CNTN5: variants seen among roughly 807,000 people sequenced by gnomAD.
CNTN5 encodes the protein contactin 5.
CNTN5 carries 77 observed loss-of-function variants against 129.1 expected under a neutral mutation model. That is an observed-to-expected ratio of 0.60 (90% confidence interval 0.50 to 0.72). The LOEUF is 0.72. Among genes scored for constraint, CNTN5 ranks in the 30% least tolerant of loss-of-function variants. CNTN5 has a pLI of 0.00. For missense variants in CNTN5, 1,478 were observed against 1,328.8 expected (o/e 1.11, Z -1.75); for synonymous variants, 509 against 465.6 (o/e 1.09, Z -1.20).
Position 99,814,019 on chromosome 11 carries a change from G to A in CNTN5, c.56-5525G>A, listed in dbSNP as rs573074691. On this transcript the variant is annotated intron_variant, in intron 3 of 24. Transcript: ENST00000524871. ...AAAAATTAGGTGAGAGAAATGATAA[G>A]GTCATGATAATTTTATTTAAAAGAG... Among the ~76,000 whole-genome samples, 191 of 152,020 alleles carry A rather than the reference G, an allele frequency of 1.3e-3. 1 individual carries two copies. The highest frequency in any genetic ancestry group is 1.6e-3 in the Non-Finnish European group (112 of 68,004).
At chr11:100,102,109 T>C (rs927497990) in intron 13 of CNTN5, among the ~76,000 whole-genome samples, 1 of 152,176 alleles carries the variant, frequency 6.6e-6, no homozygotes, top group African/African-American at 2.4e-5. Context: ...GATTGCTGAA[T>C]TGAACGGTAG....
chr11:100,039,793 C>A (rs1200360806), intron 9 of CNTN5, among the ~76,000 whole-genome samples: 1 of 152,184 alleles, frequency 6.6e-6, no homozygotes, highest in Non-Finnish European at 1.5e-5. Context: ...CGTCACGTAG[C>A]TCTCATGCCT....
intron 1 of CNTN5, among the ~76,000 whole-genome samples, chr11:99,130,103 A>G (rs988776020): frequency 2.0e-5 from 3 of 150,968 alleles, no homozygotes; most frequent in African/African-American, 7.3e-5. Context: ...GATCAAATTC[A>G]AAGGTAACAA....
At chr11:99,692,153 C>G (rs534232649) in intron 3 of CNTN5, among the ~76,000 whole-genome samples, 1 of 152,158 alleles carries the variant, frequency 6.6e-6, no homozygotes, top group East Asian at 1.9e-4. Context: ...TGAGATAGGT[C>G]TCTTGAAGAC....
intron 2 of CNTN5, among the ~76,000 whole-genome samples, chr11:99,395,090 A>G (rs1292320535): frequency 6.6e-6 from 1 of 151,688 alleles, no homozygotes; most frequent in African/African-American, 2.4e-5. Flanking sequence ...TGGTATCTCT[A>G]TCTTTAGGTC....
intron 9 of CNTN5, among the ~76,000 whole-genome samples, chr11:100,023,771 C>G (rs1297437269): frequency 6.6e-6 from 1 of 152,122 alleles, no homozygotes; most frequent in African/African-American, 2.4e-5. Context: ...GTTGCCTTTT[C>G]AGGTTGGCCT....
intron 2 of CNTN5, among the ~76,000 whole-genome samples, chr11:99,425,515 T>A (rs1369878722): frequency 6.6e-6 from 1 of 152,148 alleles, no homozygotes; most frequent in South Asian, 2.1e-4. Flanking sequence ...GACAAGGTGG[T>A]GGGGTGGGGG....
intron 21 of CNTN5, among the ~76,000 whole-genome samples, chr11:100,314,303 A>G (rs1445908324): frequency 6.6e-6 from 1 of 152,170 alleles, no homozygotes; most frequent in African/African-American, 2.4e-5. Context: ...ATGTGAGTAT[A>G]ATTAGCCACT....
intron 2 of CNTN5, among the ~76,000 whole-genome samples, chr11:99,547,887 T>C (rs1244929372): frequency 1.3e-5 from 2 of 152,198 alleles, no homozygotes; most frequent in Non-Finnish European, 2.9e-5. Context: ...GATATTAATA[T>C]GCAGTTTACT....
At chr11:99,514,205 A>G (rs1360707033) in intron 2 of CNTN5, among the ~76,000 whole-genome samples, 1 of 152,140 alleles carries the variant, frequency 6.6e-6, no homozygotes. Flanking sequence ...TAACTGAATT[A>G]CTGCAATCTC....
rs138265657 is a variant in CNTN5, at chr11:99,800,422, C to T, written c.56-19122C>T. ...GTAGATGTGAAGAATTTATACTCTG[C>T]GATTCATATGTGGAATATTCTGTAG... On this transcript the variant is annotated intron_variant, in intron 3 of 24. Coordinates refer to ENST00000524871, the MANE Select transcript of CNTN5 (RefSeq NM_014361.4). Among the ~76,000 whole-genome samples the T allele has an allele frequency of 2.5e-4, 38 of 151,558 alleles. No homozygotes were observed. In the East Asian group the frequency reaches 6.7e-3, roughly 27 times the overall value.
chr11:99,489,697 C>A (rs893167968), intron 2 of CNTN5, among the ~76,000 whole-genome samples: 5 of 152,108 alleles, frequency 3.3e-5, no homozygotes, highest in Non-Finnish European at 5.9e-5. Flanking sequence ...GATATCCATT[C>A]TGTAGCGTGG....
In CNTN5 at chr11:100,111,067, T is replaced by C. The variant is rs960733138; in HGVS notation, c.1580+36773T>C. ...TCCCAAATTTTTCTGTACCAGAACA[T>C]GTTTATATAGGTTTACCAAGGGAAA... is the stretch of plus-strand genomic sequence containing the variant. On this transcript the variant is annotated intron_variant, in intron 13 of 24. Coordinates refer to ENST00000524871, the MANE Select transcript of CNTN5 (RefSeq NM_014361.4). Among the ~76,000 whole-genome samples the C allele has an allele frequency of 4.0e-5, 6 of 151,378 alleles. No individual in the cohort carries two copies. In the East Asian group the frequency reaches 1.2e-3, roughly 29 times the overall value.
Position 99,476,480 on chromosome 11 carries a change from A to G in CNTN5, c.-70-79665A>G, listed in dbSNP as rs535191020. ...CTTTTAAAAAATTACTTCATGAGTT[A>G]TGATGCATATCACGTAGATTTGTGA... On this transcript the variant is annotated intron_variant, in intron 2 of 24. Coordinates refer to ENST00000524871, the MANE Select transcript of CNTN5 (RefSeq NM_014361.4). Among the ~76,000 whole-genome samples, 7 of 152,308 alleles carry G rather than the reference A, an allele frequency of 4.6e-5. No individual in the cohort carries two copies. In the South Asian group the frequency reaches 1.2e-3, roughly 27 times the overall value.
At chr11:100,193,036 C>T (rs761469793) in intron 14 of CNTN5, among the ~76,000 whole-genome samples, 1 of 151,860 alleles carries the variant, frequency 6.6e-6, no homozygotes, top group Non-Finnish European at 1.5e-5. Context: ...GAGGGAGGTG[C>T]TTTCTATTGC....
chr11:99,987,701 C>A (rs1938782003), intron 8 of CNTN5, among the ~76,000 whole-genome samples: 1 of 151,976 alleles, frequency 6.6e-6, no homozygotes, highest in South Asian at 2.1e-4. Flanking sequence ...TAAATAAATT[C>A]TTCCTTGCAA....
At chr11:99,320,166 C>A (rs1865509193) in intron 1 of CNTN5, among the ~76,000 whole-genome samples, 2 of 152,264 alleles carry the variant, frequency 1.3e-5, no homozygotes, top group South Asian at 2.1e-4. Context: ...TCGCTTGAAC[C>A]CAGAGGCAGA....
intron 9 of CNTN5, among the ~76,000 whole-genome samples, chr11:100,047,571 C>G (rs1942747793): frequency 6.6e-6 from 1 of 151,990 alleles, no homozygotes; most frequent in Non-Finnish European, 1.5e-5. Context: ...TAAAACATTC[C>G]CAGAAATATC....
rs530758682 is a variant in CNTN5, at chr11:99,675,023, T to TGTTTA, written c.55+118758_55+118759insAGTTT. ...AGGAGGCATTTTTCTGGTTTTGTTT[T>TGTTTA]GTTTTGTTTTGTTTTGTTTTGTTTC... On this transcript the variant is annotated intron_variant, in intron 3 of 24. Transcript: ENST00000524871. 1.2e-3 allele frequency among the ~76,000 whole-genome samples: 186 copies of TGTTTA among 151,060 alleles called. 1 individual carries two copies. Among genetic ancestry groups the TGTTTA allele is most frequent in the African/African-American group, 4.3e-3 (175 of 40,702 alleles).
Sources: allele counts gnomAD v4.1 joint callset (sites outside exome capture counted in the v4.1 genomes callset), GRCh38; gene constraint gnomAD v4.1.1; transcripts MANE v1.5; gene names NCBI Gene and HGNC (gene_info 2026-07-23, HGNC 2026-07-21).